RHOJ: variants seen among roughly 807,000 people sequenced by gnomAD.
RHOJ encodes ras homolog family member J, also known as rho-related GTP-binding protein RhoJ.
In RHOJ, 11 loss-of-function variants were observed where a neutral mutation model predicts 23.4. The ratio of observed to expected loss-of-function variants is 0.47; its 90% CI spans 0.30 to 0.78. The LOEUF is 0.78. Among genes scored for constraint, RHOJ ranks in the 30% least tolerant of loss-of-function variants. The pLI, the probability that RHOJ is intolerant of heterozygous loss-of-function variation, is 0.08. For synonymous variants in RHOJ, 102 were observed against 102.7 expected, an observed-to-expected ratio of 0.99 and a Z score of 0.04; for missense variants, 254 against 273.4, an observed-to-expected ratio of 0.93 and a Z score of 0.50.
intron 1 of RHOJ, among the ~76,000 whole-genome samples, chr14:63,239,079 C>A (rs981300781): frequency 1.3e-5 from 2 of 152,016 alleles, no homozygotes; most frequent in African/African-American, 4.8e-5. Context: ...CGAGTGAATA[C>A]CAACTCATGG....
intron 1 of RHOJ, among the ~76,000 whole-genome samples, chr14:63,251,823 T>G (rs1301650780): frequency 6.6e-6 from 1 of 152,234 alleles, no homozygotes; most frequent in Non-Finnish European, 1.5e-5. Context: ...CTTATAATTT[T>G]GGAGGTCAAA....
At chr14:63,257,071 CA>C (rs36013613) in intron 1 of RHOJ, among the ~76,000 whole-genome samples, 31 of 135,366 alleles carry the variant, frequency 2.3e-4, no homozygotes, top group Admixed American at 2.9e-4. Context: ...GACTCTGTCC[CA>C]AAAAAAAAAG....
chr14:63,273,321 G>C (rs1895504915), intron 2 of RHOJ, among the ~76,000 whole-genome samples: 1 of 152,196 alleles, frequency 6.6e-6, no homozygotes, highest in African/African-American at 2.4e-5. Context: ...ATCTATTTAG[G>C]TTGTGCCAAC....
chr14:63,207,152 C>A (rs550508313), intron 1 of RHOJ, among the ~76,000 whole-genome samples: 1 of 152,104 alleles, frequency 6.6e-6, no homozygotes, highest in East Asian at 1.9e-4. Context: ...CTGCCTCAGC[C>A]TCCTGAGTAG....
intron 1 of RHOJ, among the ~76,000 whole-genome samples, chr14:63,224,901 C>T (rs1894560963): frequency 6.6e-6 from 1 of 152,044 alleles, no homozygotes; most frequent in African/African-American, 2.4e-5. Context: ...CAAGGAAAGC[C>T]ACTTTTCTCA....
intron 1 of RHOJ, among the ~76,000 whole-genome samples, chr14:63,230,841 CTTTT>C (rs57848893): frequency 2.1e-5 from 2 of 95,272 alleles, no homozygotes. Flanking sequence ...GGGTACAAGG[CTTTT>C]TTTTTTTTTT....
chr14:63,275,774 C>T (rs1881696818), intron 2 of RHOJ, among the ~76,000 whole-genome samples: 1 of 152,208 alleles, frequency 6.6e-6, no homozygotes, highest in African/African-American at 2.4e-5. Flanking sequence ...CAAATACCAA[C>T]TAAACCACTT....
intron 1 of RHOJ, among the ~76,000 whole-genome samples, chr14:63,259,896 A>G (rs1895243628): frequency 6.6e-6 from 1 of 152,246 alleles, no homozygotes; most frequent in Non-Finnish European, 1.5e-5. Context: ...CCACAAATAC[A>G]TAAAATTCTA....
chr14:63,207,405 G>T (rs1409540428), intron 1 of RHOJ, among the ~76,000 whole-genome samples: 1 of 152,090 alleles, frequency 6.6e-6, no homozygotes, highest in Non-Finnish European at 1.5e-5. Context: ...CCACTCTCCT[G>T]GTATATGACC....
chr14:63,252,228 C>A (rs1401121056), intron 1 of RHOJ, among the ~76,000 whole-genome samples: 1 of 152,174 alleles, frequency 6.6e-6, no homozygotes, highest in Non-Finnish European at 1.5e-5. Context: ...GCTCATGAGC[C>A]CTTCCACAGC....
chr14:63,271,348 G>A (rs7143359), intron 2 of RHOJ, among the ~76,000 whole-genome samples: 3,362 of 152,232 alleles, frequency 0.022, 135 homozygotes, highest in African/African-American at 0.076. Flanking sequence ...GAGTAATTAG[G>A]CAAAAGGATT....
chr14:63,287,066 T>A (rs1264488561), intron 4 of RHOJ, among the ~76,000 whole-genome samples: 1 of 152,260 alleles, frequency 6.6e-6, no homozygotes, highest in Non-Finnish European at 1.5e-5. Flanking sequence ...TTTATTCCAC[T>A]AACATCTTCT....
At chr14:63,217,477 G>A (rs935525569) in intron 1 of RHOJ, among the ~76,000 whole-genome samples, 29 of 152,046 alleles carry the variant, frequency 1.9e-4, no homozygotes, top group African/African-American at 6.5e-4. Flanking sequence ...TGGGAAAACT[G>A]GCTAGCCATA....
At chr14:63,276,768 C>T (rs889450298) in intron 2 of RHOJ, among the ~76,000 whole-genome samples, 2 of 152,194 alleles carry the variant, frequency 1.3e-5, no homozygotes, top group Non-Finnish European at 2.9e-5. Flanking sequence ...TCCAACTTTT[C>T]CATAATGTAA....
chr14:63,286,016 T>C (rs1034837826), intron 4 of RHOJ, among the ~76,000 whole-genome samples: 1 of 152,228 alleles, frequency 6.6e-6, no homozygotes, highest in African/African-American at 2.4e-5. Flanking sequence ...ACTCTTTAAC[T>C]TGGCACCTGC....
intron 2 of RHOJ, 45 bp downstream of exon 2, chr14:63,269,213 G>T: frequency 1.4e-6 from 2 of 1,427,016 alleles, no homozygotes; most frequent in Non-Finnish European, 2.0e-6. Context: ...GTGGTGTAGG[G>T]GAGAAAAAGA....
intron 1 of RHOJ, among the ~76,000 whole-genome samples, chr14:63,206,017 C>T (rs926233876): frequency 6.6e-6 from 1 of 152,142 alleles, no homozygotes; most frequent in Non-Finnish European, 1.5e-5. Context: ...GAAAATTTCT[C>T]CTCCTTCATT....
At chr14:63,208,390 A>G (rs1894159947) in intron 1 of RHOJ, among the ~76,000 whole-genome samples, 1 of 152,130 alleles carries the variant, frequency 6.6e-6, no homozygotes, top group South Asian at 2.1e-4. Flanking sequence ...ATCTTCCACT[A>G]TTGTATAACA....
chr14:63,261,161 G>GTT (rs1555347654), intron 1 of RHOJ, among the ~76,000 whole-genome samples: 1 of 151,972 alleles, frequency 6.6e-6, no homozygotes, highest in Non-Finnish European at 1.5e-5. Flanking sequence ...AATTTAAATT[G>GTT]TTTTCACTCC....
Sources: allele counts gnomAD v4.1 joint callset (sites outside exome capture counted in the v4.1 genomes callset), GRCh38; gene constraint gnomAD v4.1.1; transcripts MANE v1.5; gene names NCBI Gene and HGNC (gene_info 2026-07-23, HGNC 2026-07-21).